SYNE3: variants seen among roughly 807,000 people sequenced by gnomAD.
The protein encoded by SYNE3 is spectrin repeat containing nuclear envelope family member 3.
A neutral mutation model predicts 111.2 loss-of-function variants in SYNE3; 100 were observed. The ratio of observed to expected loss-of-function variants is 0.90; its 90% CI spans 0.77 to 1.06. The LOEUF (loss-of-function observed/expected upper bound fraction) is 1.06, where lower values mean the gene tolerates loss of function less well. Ranked by LOEUF, SYNE3 falls within the 50% of genes least tolerant of loss-of-function variation. The probability of loss-of-function intolerance (pLI) is 0.00; values close to 1 mark genes in which losing one functional copy is unlikely to be tolerated. For synonymous variants in SYNE3, 547 were observed against 533.9 expected (o/e 1.02, Z -0.34); for missense variants, 1,160 against 1,240.3 (o/e 0.94, Z 0.97).
At chr14:95,484,910 C>T (rs1188666616) in intron 1 of SYNE3, among the ~76,000 whole-genome samples, 1 of 152,158 alleles carries the variant, frequency 6.6e-6, no homozygotes, top group African/African-American at 2.4e-5. Context: ...CTCACACTGG[C>T]GCCTGCCTCA....
intron 4 of SYNE3, among the ~76,000 whole-genome samples, chr14:95,457,665 C>T (rs1185244059): frequency 2.0e-5 from 3 of 152,186 alleles, no homozygotes; most frequent in African/African-American, 7.2e-5. Context: ...ATTAGCACGA[C>T]TACTACTACA....
At chr14:95,489,766 A>G (rs560115937) in intron 1 of SYNE3, among the ~76,000 whole-genome samples, 2 of 152,032 alleles carry the variant, frequency 1.3e-5, no homozygotes, top group East Asian at 3.9e-4. Flanking sequence ...TTTTGAAAAG[A>G]AAGAAGTGTG....
intron 1 of SYNE3, among the ~76,000 whole-genome samples, chr14:95,508,049 A>C (rs112654956): frequency 2.0e-5 from 3 of 152,300 alleles, no homozygotes; most frequent in African/African-American, 7.2e-5. Flanking sequence ...TGAGTGACTC[A>C]CCACTTCCAG....
intron 1 of SYNE3, among the ~76,000 whole-genome samples, chr14:95,498,461 C>T (rs182714119): frequency 1.7e-3 from 264 of 152,300 alleles, no homozygotes; most frequent in Non-Finnish European, 2.3e-3. Flanking sequence ...TCAGGTGATC[C>T]GCCTGCCTCA....
intron 4 of SYNE3, among the ~76,000 whole-genome samples, chr14:95,462,421 C>T (rs990292534): frequency 1.3e-5 from 2 of 152,328 alleles, no homozygotes; most frequent in East Asian, 3.9e-4. Flanking sequence ...CTTCTCCATG[C>T]AGGGTCCAGC....
chr14:95,507,068 C>T (rs1475973981), intron 1 of SYNE3, among the ~76,000 whole-genome samples: 1 of 152,216 alleles, frequency 6.6e-6, no homozygotes, highest in Non-Finnish European at 1.5e-5. Context: ...GCGAGGAGCG[C>T]GGCACCTGCA....
chr14:95,419,890 A>G (rs61981400), intron 17 of SYNE3, among the ~76,000 whole-genome samples: 28 of 28,114 alleles, frequency 1.0e-3, no homozygotes, highest in South Asian at 2.3e-3. Flanking sequence ...TGATGATGAT[A>G]GTGATGGTGG....
intron 1 of SYNE3, among the ~76,000 whole-genome samples, chr14:95,511,382 AACTCTC>A (rs1890715239): frequency 1.3e-5 from 2 of 152,234 alleles, no homozygotes; most frequent in Non-Finnish European, 2.9e-5. Flanking sequence ...CGTAAAATGT[AACTCTC>A]TTCTGACTTT....
At position 95,485,842 on chromosome 14, in the gene SYNE3, C is replaced by T. The variant is rs1422832753; in HGVS notation, c.-14-10007G>A. ...CTCCTGCTCCTCACTTCACCTCCTT[C>T]GTGGAGCTCAGCACCTGCTCTGAGT... On this transcript the variant is annotated intron_variant, in intron 1 of 17. Coordinates refer to ENST00000682763, the MANE Select transcript of SYNE3 (RefSeq NM_152592.6). This position sits in a 1 kb window ranked among gnomAD's most constrained non-coding sequence, Gnocchi z 4.3. 6.6e-6 allele frequency among the ~76,000 whole-genome samples: 1 copy of T among 152,170 alleles called. No individual in the cohort carries two copies. The highest frequency in any genetic ancestry group is 1.5e-5 in the Non-Finnish European group (1 of 68,024).
intron 17 of SYNE3, among the ~76,000 whole-genome samples, chr14:95,430,683 G>C (rs754196955): frequency 6.6e-5 from 10 of 152,184 alleles, no homozygotes; most frequent in Non-Finnish European, 1.0e-4. Context: ...AATTAGCCGG[G>C]TGTGGTAGCG....
At chr14:95,440,766 C>G (rs1333514002) in intron 11 of SYNE3, among the ~76,000 whole-genome samples, 1 of 152,184 alleles carries the variant, frequency 6.6e-6, no homozygotes, top group Non-Finnish European at 1.5e-5. Context: ...CAGAGCCCCC[C>G]TTGAGGGTCG....
intron 2 of SYNE3, among the ~76,000 whole-genome samples, chr14:95,472,133 G>T (rs1888568163): frequency 6.6e-6 from 1 of 152,218 alleles, no homozygotes; most frequent in Non-Finnish European, 1.5e-5. Context: ...GAAGCCTGCA[G>T]GTCTCTAATT....
chr14:95,496,935 G>A lies in SYNE3; in HGVS notation c.-15+19661C>T, dbSNP rs533082587. Among the ~76,000 whole-genome samples the A allele has an allele frequency of 5.3e-5, 8 of 152,322 alleles. No individual in the cohort carries two copies. In the South Asian group the frequency reaches 6.2e-4, roughly 12 times the overall value. On this transcript the variant is annotated intron_variant, in intron 1 of 17. Coordinates refer to ENST00000682763, the MANE Select transcript of SYNE3 (RefSeq NM_152592.6). ...CACCCAAATGGTATTTTTCTGATCC[G>A]GAGCCATTGTTTTCTTAGGGCTCTG...
chr14:95,498,963 C>T (rs1035873589), intron 1 of SYNE3, among the ~76,000 whole-genome samples: 1 of 152,182 alleles, frequency 6.6e-6, no homozygotes, highest in African/African-American at 2.4e-5. Context: ...AACACAGAAC[C>T]ATTCGAATCT....
Position 95,417,662 on chromosome 14 carries a change from TA to T in SYNE3, c.*163del. The T allele has an allele frequency of 1.4e-6, 1 of 711,170 alleles. No homozygotes were observed. 44.1% of individuals were successfully genotyped at this position (711,170 alleles called of 1,614,324 possible). On this transcript the variant is annotated 3_prime_UTR_variant, in exon 18 of 18. Coordinates refer to ENST00000682763, the MANE Select transcript of SYNE3 (RefSeq NM_152592.6). ...ATAAATAGACTAAGACAACACTGTA[TA>T]AAAAGTAAGTGTCTTCTGGGAACGC...
At chr14:95,421,571 T>C (rs1885128078) in intron 17 of SYNE3, among the ~76,000 whole-genome samples, 1 of 152,200 alleles carries the variant, frequency 6.6e-6, no homozygotes, top group South Asian at 2.1e-4. Flanking sequence ...CCTACCAATG[T>C]AGGAAGGATA....
intron 15 of SYNE3, among the ~76,000 whole-genome samples, chr14:95,436,380 C>T (rs1886086387): frequency 6.6e-6 from 1 of 152,206 alleles, no homozygotes; most frequent in Non-Finnish European, 1.5e-5. Flanking sequence ...TCATTCTCAT[C>T]TCTAATAGCC....
At position 95,439,030 on chromosome 14, in the gene SYNE3, C is replaced by CA. The variant is rs1886255284; in HGVS notation, c.2376+2dup. ...CTCCCACAGCCCTGCTAGACAGACT[C>CA]ACGCGTCGACGATGCCTGGGAATAG... On this transcript the variant is annotated splice_region_variant and intron_variant, in intron 14 of 17. Coordinates refer to ENST00000682763, the MANE Select transcript of SYNE3 (RefSeq NM_152592.6). 1 of 1,613,870 alleles carries CA rather than the reference C, an allele frequency of 6.2e-7. No individual in the cohort carries two copies. Among genetic ancestry groups the CA allele is most frequent in the Admixed American group, 1.7e-5 (1 of 60,016 alleles).
chr14:95,468,207 C>T (rs1387340043), intron 2 of SYNE3, among the ~76,000 whole-genome samples: 1 of 152,216 alleles, frequency 6.6e-6, no homozygotes, highest in African/African-American at 2.4e-5. Flanking sequence ...TGGCTCTCTC[C>T]TTCCCCACTC....
Sources: allele counts gnomAD v4.1 joint callset (sites outside exome capture counted in the v4.1 genomes callset), GRCh38; gene constraint gnomAD v4.1.1; non-coding constraint Gnocchi (gnomAD v3.1); transcripts MANE v1.5; gene names NCBI Gene and HGNC (gene_info 2026-07-23, HGNC 2026-07-21).